FGF14: variants seen among roughly 807,000 people sequenced by gnomAD.
FGF14 encodes fibroblast growth factor homologous factor 4.
In FGF14, 5 loss-of-function variants were observed where a neutral mutation model predicts 25.5. The observed-to-expected ratio is 0.20, with a 90% CI of 0.10 to 0.41. The LOEUF is 0.41. Ranked by LOEUF, FGF14 falls within the 10% of genes least tolerant of loss-of-function variation. FGF14 has a pLI of 1.00. For synonymous variants in FGF14, 138 were observed against 118.3 expected (o/e 1.17, Z -1.08); for missense variants, 222 against 320.1 (o/e 0.69, Z 2.34).
intron 3 of FGF14, among the ~76,000 whole-genome samples, chr13:101,861,738 A>G (rs2044429494): frequency 6.6e-6 from 1 of 152,098 alleles, no homozygotes; most frequent in Non-Finnish European, 1.5e-5. Flanking sequence ...ACACACGCAC[A>G]TTATCCAAAA....
intron 4 of FGF14, among the ~76,000 whole-genome samples, chr13:101,723,958 A>G (rs922920323): frequency 2.6e-5 from 4 of 152,120 alleles, no homozygotes; most frequent in African/African-American, 9.7e-5. Flanking sequence ...GAACTACCAT[A>G]TGCATTCCCT....
intron 1 of FGF14, among the ~76,000 whole-genome samples, chr13:101,889,914 T>C (rs2046184851): frequency 1.3e-5 from 2 of 152,190 alleles, no homozygotes; most frequent in South Asian, 4.1e-4. Context: ...TTCCTATGAC[T>C]CTACACCTGT....
intron 1 of FGF14, among the ~76,000 whole-genome samples, chr13:102,195,533 G>A (rs2049309444): frequency 6.6e-6 from 1 of 151,674 alleles, no homozygotes; most frequent in South Asian, 2.1e-4. Flanking sequence ...TGTTATACTA[G>A]AAAACATCTA....
intron 1 of FGF14, among the ~76,000 whole-genome samples, chr13:101,958,861 T>C (rs918512186): frequency 6.6e-6 from 1 of 152,208 alleles, no homozygotes; most frequent in Admixed American, 6.5e-5. Flanking sequence ...ACATCCCCTC[T>C]TGGCATAACA....
At chr13:101,761,245 C>T (rs2038007500) in intron 3 of FGF14, among the ~76,000 whole-genome samples, 1 of 152,106 alleles carries the variant, frequency 6.6e-6, no homozygotes, top group Non-Finnish European at 1.5e-5. Context: ...ACAGAATATG[C>T]AGGAGAAAAC....
chr13:101,824,871 C>T (rs1009583001), intron 3 of FGF14, among the ~76,000 whole-genome samples: 1 of 152,122 alleles, frequency 6.6e-6, no homozygotes. Context: ...CTTAAAAGGA[C>T]AAGGTTTGGA....
chr13:102,196,459 G>A (rs1160368814), intron 1 of FGF14, among the ~76,000 whole-genome samples: 1 of 152,142 alleles, frequency 6.6e-6, no homozygotes, highest in Admixed American at 6.5e-5. Context: ...TCCAAACAGT[G>A]GGGTTCTCAG....
chr13:102,006,003 G>A (rs1025316126), intron 1 of FGF14, among the ~76,000 whole-genome samples: 5 of 152,192 alleles, frequency 3.3e-5, no homozygotes, highest in African/African-American at 9.6e-5. Context: ...TCTGTAAAGT[G>A]TACATGAGCT....
rs968426925 is a variant in FGF14, at chr13:101,905,072, T to G, written c.193+11381A>C. Among the ~76,000 whole-genome samples, 9 of 152,226 alleles carry G rather than the reference T, an allele frequency of 5.9e-5. No homozygotes were observed. In the South Asian group the frequency reaches 1.9e-3, roughly 31 times the overall value. On this transcript the variant is annotated intron_variant, in intron 1 of 4. Coordinates refer to ENST00000376143, the MANE Select transcript of FGF14 (RefSeq NM_004115.4). ...TGGAACAGACGTGTCTGAACTCTGC[T>G]GTCCTGTATAACTTTTAAAACTATT...
intron 1 of FGF14, among the ~76,000 whole-genome samples, chr13:102,338,649 T>C (rs1317912325): frequency 3.9e-5 from 6 of 152,282 alleles, no homozygotes; most frequent in South Asian, 4.1e-4. Context: ...TAATCTATCA[T>C]TGATATCATC....
chr13:102,379,465 C>A (rs960569204), intron 1 of FGF14, among the ~76,000 whole-genome samples: 3 of 150,470 alleles, frequency 2.0e-5, no homozygotes, highest in Non-Finnish European at 4.4e-5. Context: ...TATATATATA[C>A]CTTTATATAT....
At position 101,720,611 on chromosome 13, in the gene FGF14, T is replaced by TAGC. The variant is rs1566810275; in HGVS notation, c.*2219_*2220insGCT. ...AGTGAAGTGTTGCTGCTGTAAGTAG[T>TAGC]GTCCATAAGCCCATTTGACTGTATT... On this transcript the variant is annotated 3_prime_UTR_variant, in exon 5 of 5. Coordinates refer to ENST00000376143, the MANE Select transcript of FGF14 (RefSeq NM_004115.4). 1 of 151,502 alleles carries TAGC rather than the reference T, an allele frequency of 6.6e-6. No homozygotes were observed. Among genetic ancestry groups the TAGC allele is most frequent in the Non-Finnish European group, 1.5e-5 (1 of 67,906 alleles). The allele number at this position is 151,502 out of a possible 1,614,324, so 9.4% of individuals were successfully genotyped here. A position where few individuals can be genotyped will look rare whatever the true frequency, so the allele number is the denominator to read the frequency against.
chr13:101,825,537 T>C (rs886603959), intron 3 of FGF14, among the ~76,000 whole-genome samples: 1 of 152,166 alleles, frequency 6.6e-6, no homozygotes, highest in Non-Finnish European at 1.5e-5. Context: ...TAGACTGTGA[T>C]ACCTCCTATC....
In FGF14 at chr13:101,726,688, C is replaced by T. The variant is rs2035459467; in HGVS notation, c.531G>A (p.Lys177=). The T allele has an allele frequency of 2.5e-6, 4 of 1,613,526 alleles. No homozygotes were observed. The highest frequency in any genetic ancestry group is 2.5e-6 in the Non-Finnish European group (3 of 1,179,666). Residue 177 remains lysine (K), a synonymous_variant, in exon 4 of 5, where the codon AAG becomes AAA. Transcript: ENST00000376143. ...TGTTCCCTTTCATAGCTTGCCCTTC[C>T]TTATTTAATCCCAAAAACCAGGCTC... ...SGRAWFLGLN[K]EGQAMKGNRV...
intron 1 of FGF14, among the ~76,000 whole-genome samples, chr13:102,009,782 C>A (rs747181038): frequency 6.6e-6 from 1 of 152,082 alleles, no homozygotes; most frequent in Non-Finnish European, 1.5e-5. Context: ...TACTAGATTT[C>A]CAAAGGAAAT....
At chr13:102,277,712 C>T (rs2053617014) in intron 1 of FGF14, among the ~76,000 whole-genome samples, 1 of 152,254 alleles carries the variant, frequency 6.6e-6, no homozygotes, top group Non-Finnish European at 1.5e-5. Flanking sequence ...AAGCCAACTA[C>T]TGAACTCTGC....
At chr13:102,291,850 G>T (rs1188424873) in intron 1 of FGF14, among the ~76,000 whole-genome samples, 2 of 152,118 alleles carry the variant, frequency 1.3e-5, no homozygotes, top group East Asian at 3.9e-4. Context: ...AAGGGAGGTG[G>T]TATCACTTAT....
chr13:102,197,727 A>G (rs1447509062), intron 1 of FGF14, among the ~76,000 whole-genome samples: 1 of 152,160 alleles, frequency 6.6e-6, no homozygotes, highest in African/African-American at 2.4e-5. Context: ...GTATAGATAT[A>G]CATATGCTAT....
intron 3 of FGF14, among the ~76,000 whole-genome samples, chr13:101,859,863 C>T (rs907136141): frequency 6.6e-6 from 1 of 152,136 alleles, no homozygotes; most frequent in Non-Finnish European, 1.5e-5. Flanking sequence ...CTGGAAATCT[C>T]TGCTTAGATA....
Sources: gnomAD v4.1 joint callset for allele counts (sites outside exome capture counted in the v4.1 genomes callset) on GRCh38, gnomAD v4.1.1 for gene constraint, MANE v1.5 for transcripts, NCBI Gene and HGNC (gene_info 2026-07-23, HGNC 2026-07-21) for gene names.